Variants in WWOX observed in about 807,000 individuals in gnomAD.
WWOX encodes WW domain-containing oxidoreductase.
A neutral mutation model predicts 46.2 loss-of-function variants in WWOX; 69 were observed. The observed-to-expected ratio is 1.49, with a 90% CI of 1.23 to 1.82. The LOEUF (loss-of-function observed/expected upper bound fraction) is 1.82. Among genes scored for constraint, WWOX ranks in the 40% most tolerant of loss-of-function variants. The probability of loss-of-function intolerance (pLI) is 0.00; values close to 1 mark genes in which losing one functional copy is unlikely to be tolerated. For missense variants in WWOX, 919 were observed against 542.6 expected, an observed-to-expected ratio of 1.69 and a Z score of -6.89; for synonymous variants, 359 against 202.6, an observed-to-expected ratio of 1.77 and a Z score of -6.56.
chr16:78,917,349 A>G (rs936804252), intron 8 of WWOX, among the ~76,000 whole-genome samples: 6 of 152,174 alleles, frequency 3.9e-5, no homozygotes, highest in Admixed American at 3.9e-4. Flanking sequence ...TCAAATAAAC[A>G]TCCTTTAAAT....
At chr16:78,531,458 T>G (rs963970140) in intron 8 of WWOX, among the ~76,000 whole-genome samples, 1 of 152,210 alleles carries the variant, frequency 6.6e-6, no homozygotes, top group Non-Finnish European at 1.5e-5. Context: ...TCTAATACTT[T>G]ATTATGTCAT....
chr16:79,012,380 C>G (rs904051643), intron 8 of WWOX, among the ~76,000 whole-genome samples: 2 of 152,076 alleles, frequency 1.3e-5, no homozygotes, highest in Non-Finnish European at 2.9e-5. Flanking sequence ...TTACAGGTGT[C>G]TGCCACCACG....
chr16:78,896,321 C>A (rs369537182), intron 8 of WWOX: 1 of 151,980 alleles, frequency 6.6e-6, no homozygotes, highest in East Asian at 1.9e-4. Context: ...TGTAGAATGA[C>A]TGGCTTCCCA....
At chr16:78,635,844 C>G (rs1567453423) in intron 8 of WWOX, among the ~76,000 whole-genome samples, 1 of 152,096 alleles carries the variant, frequency 6.6e-6, no homozygotes, top group African/African-American at 2.4e-5. Flanking sequence ...CGTTTCCTTG[C>G]AGATATCATT....
At chr16:78,795,853 C>G (rs185691526) in intron 8 of WWOX, among the ~76,000 whole-genome samples, 7 of 151,798 alleles carry the variant, frequency 4.6e-5, no homozygotes, top group Non-Finnish European at 1.0e-4. Flanking sequence ...TAGTGAGTAC[C>G]CAATAAATGC....
chr16:78,485,737 G>A (rs906413547), intron 8 of WWOX, among the ~76,000 whole-genome samples: 1 of 152,204 alleles, frequency 6.6e-6, no homozygotes, highest in Non-Finnish European at 1.5e-5. Flanking sequence ...TGAAAGAACA[G>A]ATTGCCGCGG....
chr16:78,802,186 T>C (rs1256139067), intron 8 of WWOX, among the ~76,000 whole-genome samples: 1 of 150,518 alleles, frequency 6.6e-6, no homozygotes, highest in East Asian at 2.0e-4. Flanking sequence ...GTTTGTTTTA[T>C]ATTTTGTTTG....
chr16:78,700,308 TAGACAG>T (rs2048185215), intron 8 of WWOX, among the ~76,000 whole-genome samples: 1 of 99,420 alleles, frequency 1.0e-5, no homozygotes, highest in South Asian at 4.1e-4. Flanking sequence ...CCTCACTTAG[TAGACAG>T]AGAGAGAGAG....
intron 8 of WWOX, among the ~76,000 whole-genome samples, chr16:78,775,215 A>G (rs1351571765): frequency 6.6e-6 from 1 of 152,158 alleles, no homozygotes; most frequent in East Asian, 1.9e-4. Flanking sequence ...GAACTGAAAG[A>G]TTATCAGGAC....
At chr16:78,344,325 A>C (rs1231216201) in intron 5 of WWOX, among the ~76,000 whole-genome samples, 1 of 120,930 alleles carries the variant, frequency 8.3e-6, no homozygotes, top group Non-Finnish European at 2.0e-5. Context: ...TAAAATCTGC[A>C]TTTGTCAATT....
Position 79,211,725 on chromosome 16 carries a change from G to C in WWOX, c.1174G>C (p.Glu392Gln), listed in dbSNP as rs775926660. 3 of 1,614,238 alleles carry C rather than the reference G, an allele frequency of 1.9e-6. No homozygotes were observed. The highest frequency in any genetic ancestry group is 1.7e-6 in the Non-Finnish European group (2 of 1,180,034). ...GCCCTCACCAGAAGCTCAGAGCGAA[G>C]AGACGGCCCGGACCCTGTGGGCGCT... Reference protein sequence around the residue: ...CMPSPEAQSEETARTLWALSE... With the variant: ...CMPSPEAQSEQTARTLWALSE... Residue 392 changes from glutamate to glutamine, a missense_variant, in exon 9 of 9, where the codon GAG becomes CAG. Physicochemically the swap from Glu to Gln is conservative, Grantham distance 29. Coordinates refer to ENST00000566780, the MANE Select transcript of WWOX (RefSeq NM_016373.4).
chr16:78,824,462 C>T (rs7192635), intron 8 of WWOX, among the ~76,000 whole-genome samples: 24,682 of 152,080 alleles, frequency 0.16, 2,082 homozygotes, highest in Admixed American at 0.23. Flanking sequence ...TTCCTAGGTG[C>T]TGGGGAGAAA....
intron 5 of WWOX, among the ~76,000 whole-genome samples, chr16:78,368,091 T>G (rs1183523700): frequency 6.6e-6 from 1 of 152,190 alleles, no homozygotes; most frequent in East Asian, 1.9e-4. Flanking sequence ...TTGAGCAGAT[T>G]TCGCTGCTTT....
At chr16:78,635,843 G>T (rs1320883204) in intron 8 of WWOX, among the ~76,000 whole-genome samples, 2 of 152,170 alleles carry the variant, frequency 1.3e-5, no homozygotes, top group Non-Finnish European at 2.9e-5. Flanking sequence ...GCGTTTCCTT[G>T]CAGATATCAT....
In WWOX at chr16:78,113,732, C is replaced by T. The variant is rs549544188; in HGVS notation, c.231-1244C>T. ...GTGAGGAATTGGGAAGAGATAGTCA[C>T]GTTTGGCTCTTGTAAGCCAGTTTGA... On this transcript the variant is annotated intron_variant, in intron 3 of 8. Coordinates refer to ENST00000566780, the MANE Select transcript of WWOX (RefSeq NM_016373.4). Among the ~76,000 whole-genome samples, 14 of 152,198 alleles carry T rather than the reference C, an allele frequency of 9.2e-5. No individual in the cohort carries two copies. In the South Asian group the frequency reaches 1.7e-3, roughly 18 times the overall value.
chr16:78,657,144 A>C (rs933398955), intron 8 of WWOX, among the ~76,000 whole-genome samples: 1 of 151,816 alleles, frequency 6.6e-6, no homozygotes, highest in African/African-American at 2.4e-5. Context: ...CACCTTCACC[A>C]CCACCCAATG....
At chr16:78,777,539 G>C (rs1399769438) in intron 8 of WWOX, among the ~76,000 whole-genome samples, 1 of 152,156 alleles carries the variant, frequency 6.6e-6, no homozygotes, top group Admixed American at 6.5e-5. Flanking sequence ...GTCCTACTGA[G>C]TGGTCAGCTG....
At chr16:79,105,697 C>G (rs1567553759) in intron 8 of WWOX, among the ~76,000 whole-genome samples, 3 of 150,098 alleles carry the variant, frequency 2.0e-5, no homozygotes, top group South Asian at 4.2e-4. Context: ...GGGTCTCACT[C>G]TGTCACTCAG....
At position 78,652,535 on chromosome 16, in the gene WWOX, C is replaced by G. The variant is rs187314518; in HGVS notation, c.1056+219783C>G. Among the ~76,000 whole-genome samples the G allele has an allele frequency of 2.2e-3, 338 of 152,176 alleles. 9 individuals carry two copies. The highest frequency in any genetic ancestry group is 0.02 in the Admixed American group (304 of 15,286). ...AAGTTGTAATAAATTATGCAGACCC[C>G]TCAGCAGTTGACTCACCTCTCTGGT... On this transcript the variant is annotated intron_variant, in intron 8 of 8. Coordinates refer to ENST00000566780, the MANE Select transcript of WWOX (RefSeq NM_016373.4).
Sources: allele counts gnomAD v4.1 joint callset (sites outside exome capture counted in the v4.1 genomes callset), GRCh38; gene constraint gnomAD v4.1.1; transcripts MANE v1.5; gene names NCBI Gene and HGNC (gene_info 2026-07-23, HGNC 2026-07-21).